The following MAML2 variants were observed in gnomAD, a reference collection of about 807,000 sequenced individuals.
The protein encoded by MAML2 is mastermind like transcriptional coactivator 2.
A neutral mutation model predicts 96.1 loss-of-function variants in MAML2; 22 were observed. The observed-to-expected ratio is 0.23, with a 90% confidence interval of 0.16 to 0.33. MAML2 has a LOEUF of 0.33. Ranked by LOEUF, MAML2 falls within the 10% of genes least tolerant of loss-of-function variation. The pLI is 1.00. For synonymous variants in MAML2, 561 were observed against 521.3 expected, an observed-to-expected ratio of 1.08 and a Z score of -1.04; for missense variants, 1,367 against 1,392.4, an observed-to-expected ratio of 0.98 and a Z score of 0.29.
chr11:96,023,978 CCTT>C (rs1858476706), intron 2 of MAML2, among the ~76,000 whole-genome samples: 1 of 152,108 alleles, frequency 6.6e-6, no homozygotes, highest in African/African-American at 2.4e-5. Flanking sequence ...AAACTGCAAA[CCTT>C]CTCAGTTGTC....
intron 1 of MAML2, among the ~76,000 whole-genome samples, chr11:96,183,131 G>A (rs1335363605): frequency 6.6e-6 from 1 of 151,578 alleles, no homozygotes; most frequent in Non-Finnish European, 1.5e-5. Context: ...CTAATTTTTT[G>A]TATTTTTAGT....
At chr11:96,228,625 C>T (rs190363956) in intron 1 of MAML2, among the ~76,000 whole-genome samples, 99 of 152,364 alleles carry the variant, frequency 6.5e-4, no homozygotes, top group Non-Finnish European at 1.2e-3. Flanking sequence ...CATTTAGTCA[C>T]TGAAGCTGAG....
intron 1 of MAML2, among the ~76,000 whole-genome samples, chr11:96,241,793 C>T (rs950086191): frequency 6.6e-6 from 1 of 152,130 alleles, no homozygotes; most frequent in Non-Finnish European, 1.5e-5. Context: ...TTAGGTTAGA[C>T]TTGTGGAAGT....
chr11:96,055,433 A>G (rs1031775648), intron 2 of MAML2, among the ~76,000 whole-genome samples: 1 of 151,952 alleles, frequency 6.6e-6, no homozygotes, highest in Non-Finnish European at 1.5e-5. Context: ...GCAGGGGGGA[A>G]AAAAAAGAGC....
chr11:95,999,175 G>A (rs1565185306), intron 2 of MAML2, among the ~76,000 whole-genome samples: 1 of 152,140 alleles, frequency 6.6e-6, no homozygotes, highest in African/African-American at 2.4e-5. Flanking sequence ...AATATTTAAA[G>A]AAATAGTATG....
intron 1 of MAML2, among the ~76,000 whole-genome samples, chr11:96,235,941 C>T (rs1478839713): frequency 1.3e-5 from 2 of 152,192 alleles, no homozygotes; most frequent in Non-Finnish European, 2.9e-5. Flanking sequence ...CTGCCCACTG[C>T]ACCCCCTTCC....
At chr11:96,293,739 A>G (rs914103288) in intron 1 of MAML2, among the ~76,000 whole-genome samples, 6 of 152,200 alleles carry the variant, frequency 3.9e-5, no homozygotes, top group African/African-American at 1.4e-4. Context: ...TGGTAGCCCA[A>G]TCTGAGGAAG....
intron 2 of MAML2, among the ~76,000 whole-genome samples, chr11:96,020,897 T>G (rs546575075): frequency 4.6e-5 from 7 of 152,162 alleles, no homozygotes; most frequent in Non-Finnish European, 7.3e-5. Flanking sequence ...TAGCCTTTGG[T>G]GGATAAAACC....
chr11:96,312,361 C>T (rs1014497075), intron 1 of MAML2, among the ~76,000 whole-genome samples: 1 of 151,940 alleles, frequency 6.6e-6, no homozygotes, highest in Non-Finnish European at 1.5e-5. Flanking sequence ...TCTTTAATCA[C>T]CCAATGAGAA....
chr11:96,201,489 T>C (rs977893955), intron 1 of MAML2, among the ~76,000 whole-genome samples: 5 of 152,236 alleles, frequency 3.3e-5, no homozygotes, highest in Admixed American at 1.3e-4. Flanking sequence ...CTAGGACTAT[T>C]CCACATGAAT....
intron 4 of MAML2, among the ~76,000 whole-genome samples, chr11:95,980,514 C>T (rs1403600512): frequency 6.6e-6 from 1 of 152,218 alleles, no homozygotes; most frequent in Non-Finnish European, 1.5e-5. Flanking sequence ...ATCTCCATCT[C>T]TTTAAACATC....
chr11:96,217,407 C>T (rs1862066462), intron 1 of MAML2, among the ~76,000 whole-genome samples: 1 of 152,236 alleles, frequency 6.6e-6, no homozygotes, highest in Non-Finnish European at 1.5e-5. Flanking sequence ...CTGCCCTGCA[C>T]TGTTTCCACT....
At chr11:96,274,433 G>A (rs1013248738) in intron 1 of MAML2, among the ~76,000 whole-genome samples, 2 of 151,948 alleles carry the variant, frequency 1.3e-5, no homozygotes, top group East Asian at 1.9e-4. Flanking sequence ...ATCTTTACAC[G>A]TCTCTTTCTC....
At chr11:96,138,474 C>A (rs1038709349) in intron 1 of MAML2, among the ~76,000 whole-genome samples, 1 of 152,136 alleles carries the variant, frequency 6.6e-6, no homozygotes, top group Non-Finnish European at 1.5e-5. Flanking sequence ...CACAAGGGTG[C>A]TCAGGAAATT....
At chr11:96,166,146 C>CTCTG (rs1322308567) in intron 1 of MAML2, among the ~76,000 whole-genome samples, 7 of 121,956 alleles carry the variant, frequency 5.7e-5, no homozygotes, top group Admixed American at 5.2e-4. Flanking sequence ...GTCTCTCTCT[C>CTCTG]TCTGTCTGTC....
At chr11:96,283,925 A>T (rs536816) in intron 1 of MAML2, among the ~76,000 whole-genome samples, 35,059 of 151,854 alleles carry the variant, frequency 0.23, 4,196 homozygotes, top group Middle Eastern at 0.29. Context: ...CCACTTCCTC[A>T]TCTCCTACTT....
intron 3 of MAML2, among the ~76,000 whole-genome samples, chr11:95,986,212 T>A: frequency 6.6e-6 from 1 of 152,132 alleles, no homozygotes; most frequent in East Asian, 1.9e-4. Context: ...TGTTTGTTTG[T>A]TTGTTTGTTT....
intron 2 of MAML2, among the ~76,000 whole-genome samples, chr11:96,088,961 T>A (rs1859662881): frequency 6.6e-6 from 1 of 151,970 alleles, no homozygotes. Context: ...TACCAATTTG[T>A]AGCAGAGAAC....
chr11:96,251,467 A>C (rs1862580583), intron 1 of MAML2, among the ~76,000 whole-genome samples: 2 of 152,198 alleles, frequency 1.3e-5, no homozygotes, highest in Admixed American at 1.3e-4. Flanking sequence ...TTTATAACTG[A>C]ATTTTGGAAG....
Sources: gnomAD v4.1 joint callset for allele counts (sites outside exome capture counted in the v4.1 genomes callset) on GRCh38, gnomAD v4.1.1 for gene constraint, MANE v1.5 for transcripts, NCBI Gene and HGNC (gene_info 2026-07-23, HGNC 2026-07-21) for gene names.